Variants in TMEM101 observed in about 807,000 individuals in gnomAD.
TMEM101 encodes transmembrane protein 101, also known as putative NF-kappa-B-activating protein 130.
In TMEM101, 14 loss-of-function variants were observed where a neutral mutation model predicts 26.0. The observed-to-expected ratio is 0.54, with a 90% CI of 0.36 to 0.84. The LOEUF (loss-of-function observed/expected upper bound fraction) is 0.84. Ranked by LOEUF, TMEM101 falls within the 40% of genes least tolerant of loss-of-function variation. The pLI, the probability that TMEM101 is intolerant of heterozygous loss-of-function variation, is 0.01. For synonymous variants in TMEM101, 152 were observed against 145.1 expected, an observed-to-expected ratio of 1.05 and a Z score of -0.34; for missense variants, 292 against 345.1, an observed-to-expected ratio of 0.85 and a Z score of 1.22.
At position 44,014,577 on chromosome 17, in the gene TMEM101, A is replaced by G. The variant is rs888335795; in HGVS notation, c.138-40T>C. 12 of 1,560,334 alleles carry G rather than the reference A, an allele frequency of 7.7e-6. No homozygotes were observed. The East Asian group carries it at 2.6e-4, about 34-fold the overall frequency. On this transcript the variant is annotated intron_variant, in intron 1 of 3. Transcript: ENST00000206380. ...TGGGGAAGCAACGAGGACAGAATGA[A>G]GCGGTGGGGGAAGAAGCTTGAGACC...
rs993992079 is a variant in TMEM101, at chr17:44,013,101, T to A, written c.373A>T (p.Ser125Cys). Residue 125 changes from serine (S) to cysteine (C), a missense_variant, in exon 3 of 4, where the codon AGC becomes TGC. Ser to Cys is a moderately radical substitution (Grantham distance 112, BLOSUM62 -1). Coordinates refer to ENST00000206380, the MANE Select transcript of TMEM101 (RefSeq NM_032376.4). ...CGGCGGTACAGCTCCCCAGCACCGC[T>A]GGCCAACACAAGAAAGCCGCCGATG... ...AIIGGFLVLA[S>C]GAGELYRRKP... 2 of 1,609,104 alleles carry A rather than the reference T, an allele frequency of 1.2e-6. No homozygotes were observed. The highest frequency in any genetic ancestry group is 2.7e-5 in the African/African-American group (2 of 74,878).
rs1269979964 is a variant in TMEM101 at position 44,014,854 on chromosome 17, G to A, written c.99C>T (p.Ser33=). The part of the protein sequence containing the change: ...LTRCPFWGCF[S]QLMLYAERAE... ...CCCTCTCAGCGTACAGCATGAGCTG[G>A]CTGAAGCAGCCCCAAAAGGGGCAGC... is the stretch of plus-strand genomic sequence containing the variant. Residue 33 remains serine, a synonymous_variant, in exon 1 of 4, where the codon AGC becomes AGT. Coordinates refer to ENST00000206380, the MANE Select transcript of TMEM101 (RefSeq NM_032376.4). 6.2e-7 allele frequency: 1 copy of A among 1,613,306 alleles called. No homozygotes were observed. The highest frequency in any genetic ancestry group is 1.3e-5 in the African/African-American group (1 of 75,052).
rs775138930 is a variant in TMEM101 at position 44,014,469 on chromosome 17, A to G, written c.206T>C (p.Met69Thr). 9.0e-6 allele frequency: 14 copies of G among 1,563,792 alleles called. No individual in the cohort carries two copies. Among genetic ancestry groups the G allele is most frequent in the East Asian group, 2.3e-5 (1 of 42,566 alleles). The change falls in exon 2 of 4, where the codon ATG (methionine) becomes ACG (threonine). Residue 69 changes from methionine to threonine, a missense_variant. Transcript: ENST00000206380. Reference sequence around the variant, plus strand: ...CCAGCGCCGCTTCACGCCAAAGGACATGAAACTAGCGCACAGCACGGCTGC... The same window carrying G: ...CCAGCGCCGCTTCACGCCAAAGGACGTGAAACTAGCGCACAGCACGGCTGC... ...MGAAVLCASF[M>T]SFGVKRRWFA...
In TMEM101 at chr17:44,013,139, C is replaced by A. The variant is rs200658190; in HGVS notation, c.335G>T (p.Arg112Leu). The change falls in exon 3 of 4, where the codon CGC becomes CTC. Residue 112 changes from arginine (R) to leucine (L), a missense_variant. Arg to Leu is a moderately radical substitution (Grantham distance 102). Transcript: ENST00000206380. ...GDWLKVRMYS[R>L]TVAIIGGFLV... ...AAAGCCGCCGATGATGGCAACTGTG[C>A]GCGAGTACATACGGACCTAGGCCGG... 1 of 1,597,380 alleles carries A rather than the reference C, an allele frequency of 6.3e-7. No individual in the cohort carries two copies. The highest frequency in any genetic ancestry group is 8.6e-7 in the Non-Finnish European group (1 of 1,168,160).
At chr17:44,017,896 A>T (rs1407112555), upstream of TMEM101, among the ~76,000 whole-genome samples, 3 of 152,060 alleles carry the variant, frequency 2.0e-5, no homozygotes, top group East Asian at 5.8e-4. Context: ...TTTGGAAGGC[A>T]GAGGCACGGG....
At chr17:44,012,317 CA>C in intron 3 of TMEM101, 81 bp from the exon 4 acceptor site, 1 of 1,352,390 alleles carries the variant, frequency 7.4e-7, no homozygotes, top group African/African-American at 1.5e-5. Flanking sequence ...ATGGCACCTG[CA>C]AATGAGTCCC....
intron 2 of TMEM101, among the ~76,000 whole-genome samples, chr17:44,021,129 C>A (rs796409426): frequency 6.6e-6 from 1 of 152,188 alleles, no homozygotes; most frequent in Non-Finnish European, 1.5e-5. Flanking sequence ...GTTGCCCACT[C>A]TGGTGGACCT....
At chr17:44,012,984 T>G in intron 3 of TMEM101, 25 bp downstream of exon 3, 3 of 1,527,934 alleles carry the variant, frequency 2.0e-6, no homozygotes, top group Non-Finnish European at 2.7e-6. Flanking sequence ...GCCAGGCACC[T>G]CCAACCAACA....
In TMEM101 at chr17:44,014,329, A is replaced by C. The variant is rs192239655; in HGVS notation, c.318+28T>G. 494 of 1,540,148 alleles carry C rather than the reference A, an allele frequency of 3.2e-4. 8 individuals are homozygous for C. In the East Asian group the frequency reaches 0.011, roughly 35 times the overall value. Reference sequence around the variant, plus strand: ...CTCTGATTCCCCGTCACCCAGAGGGAAGACCCTTTTGGGGCCGAGGCGCTC... The same window carrying C: ...CTCTGATTCCCCGTCACCCAGAGGGCAGACCCTTTTGGGGCCGAGGCGCTC... On this transcript the variant is annotated intron_variant, in intron 2 of 3. Transcript: ENST00000206380.
At chr17:44,017,117 C>T (rs1315897587), upstream of TMEM101, among the ~76,000 whole-genome samples, 2 of 149,688 alleles carry the variant, frequency 1.3e-5, no homozygotes, top group Non-Finnish European at 3.0e-5. Context: ...CGCCACTGCA[C>T]TCCAGCCTGG....
At position 44,014,346 on chromosome 17, in the gene TMEM101, G is replaced by C. The variant is rs753572365; in HGVS notation, c.318+11C>G. 3.9e-6 allele frequency: 6 copies of C among 1,544,242 alleles called. No individual in the cohort carries two copies. The highest frequency in any genetic ancestry group is 5.3e-6 in the Non-Finnish European group (6 of 1,141,156). On this transcript the variant is annotated intron_variant, in intron 2 of 3. Transcript: ENST00000206380. ...CCAGAGGGAAGACCCTTTTGGGGCC[G>C]AGGCGCTCACCTTCAGCCAGTCCCC...
Position 44,014,357 on chromosome 17 carries a change from C to T in TMEM101, c.318G>A (p.Lys106=), listed in dbSNP as rs1367527091. ...ACCCTTTTGGGGCCGAGGCGCTCACCTTCAGCCAGTCCCCGTAGTGGACGT... is the reference window on the plus strand; with the variant it reads ...ACCCTTTTGGGGCCGAGGCGCTCACTTTCAGCCAGTCCCCGTAGTGGACGT... ...GGYVHYGDWL[K]VRMYSRTVAI... Residue 106 remains lysine (K), a splice_region_variant and synonymous_variant, in exon 2 of 4, where the codon AAG becomes AAA. Coordinates refer to ENST00000206380, the MANE Select transcript of TMEM101 (RefSeq NM_032376.4). 3.9e-6 allele frequency: 6 copies of T among 1,550,430 alleles called. No individual in the cohort carries two copies. In the East Asian group the frequency reaches 9.8e-5, roughly 25 times the overall value.
At chr17:44,019,841 C>A (rs1252498654), upstream of TMEM101, among the ~76,000 whole-genome samples, 1 of 152,204 alleles carries the variant, frequency 6.6e-6, no homozygotes, top group East Asian at 1.9e-4. Flanking sequence ...CCACACCCCT[C>A]ATGGCTTTGC....
In TMEM101 at chr17:44,011,862, G is replaced by C; in HGVS notation, c.*66C>G. 1 of 1,457,264 alleles carries C rather than the reference G, an allele frequency of 6.9e-7. No homozygotes were observed. The highest frequency in any genetic ancestry group is 2.0e-5 in the Admixed American group (1 of 49,510). The allele number at this position is 1,457,264 out of a possible 1,614,324, so 90.3% of individuals were successfully genotyped here. A position where few individuals can be genotyped will look rare whatever the true frequency, so the allele number is the denominator to read the frequency against. ...GCATAAATAAACAGCAGCTGGGCCA[G>C]CAAGGAGGAAGGCAGGGTGACCCTC... On this transcript the variant is annotated 3_prime_UTR_variant, in exon 4 of 4. Coordinates refer to ENST00000206380, the MANE Select transcript of TMEM101 (RefSeq NM_032376.4).
At chr17:44,021,054 AG>A (rs987109351) in intron 2 of TMEM101, among the ~76,000 whole-genome samples, 1 of 152,192 alleles carries the variant, frequency 6.6e-6, no homozygotes, top group African/African-American at 2.4e-5. Context: ...AATAGCTACA[AG>A]GTCAGCAGTC....
upstream of TMEM101, among the ~76,000 whole-genome samples, chr17:44,017,099 C>T (rs565747140): frequency 6.7e-6 from 1 of 148,560 alleles, no homozygotes; most frequent in Admixed American, 6.8e-5. Context: ...TGCAGTGAGC[C>T]GAGATCACGC....
At chr17:44,016,209 G>C (rs1416215015), upstream of TMEM101, among the ~76,000 whole-genome samples, 1 of 151,774 alleles carries the variant, frequency 6.6e-6, no homozygotes, top group Non-Finnish European at 1.5e-5. Context: ...GTCTCACTGT[G>C]TCACCCAGGC....
At chr17:44,014,294 G>C in intron 2 of TMEM101, 63 bp downstream of exon 2, 1 of 1,511,284 alleles carries the variant, frequency 6.6e-7, no homozygotes, top group Non-Finnish European at 8.9e-7. Flanking sequence ...CAACAGCCCT[G>C]GGCATTGGCC....
upstream of TMEM101, chr17:44,019,247 G>A (rs1346852362): frequency 2.6e-6 from 1 of 389,466 alleles, no homozygotes; most frequent in Admixed American, 3.0e-5. Flanking sequence ...CCAGACTATG[G>A]AGGATTCACC....
Sources: gnomAD v4.1 joint callset for allele counts (sites outside exome capture counted in the v4.1 genomes callset) on GRCh38, gnomAD v4.1.1 for gene constraint, MANE v1.5 for transcripts, NCBI Gene and HGNC (gene_info 2026-07-23, HGNC 2026-07-21) for gene names.